Variants in LPCAT1 observed in about 807,000 individuals in gnomAD.
The protein encoded by LPCAT1 is lysophosphatidylcholine acyltransferase 1, also known as 1-acylglycerol-3-phosphate O-acyltransferase.
In LPCAT1, 23 loss-of-function variants were observed where a neutral mutation model predicts 60.9. The ratio of observed to expected loss-of-function variants is 0.38; its 90% CI spans 0.27 to 0.53. The LOEUF (loss-of-function observed/expected upper bound fraction) is 0.53, where lower values mean the gene tolerates loss of function less well. Among genes scored for constraint, LPCAT1 ranks in the 20% least tolerant of loss-of-function variants. The probability of loss-of-function intolerance (pLI) is 0.82; values close to 1 mark genes in which losing one functional copy is unlikely to be tolerated. For missense variants in LPCAT1, 622 were observed against 723.6 expected, an observed-to-expected ratio of 0.86 and a Z score of 1.61; for synonymous variants, 340 against 301.1, an observed-to-expected ratio of 1.13 and a Z score of -1.34.
rs973556774 is a variant in LPCAT1 at position 1,476,491 on chromosome 5, C to A, written c.899+913G>T. ...TCAGAGCCAGGCACACTCTGATGGG[C>A]CCGGCCGTGGCTGTGTTCCCCTCTG... On this transcript the variant is annotated intron_variant, in intron 9 of 13. Transcript: ENST00000283415. This position sits in a 1 kb window ranked among gnomAD's most constrained non-coding sequence, Gnocchi z 8.6. Among the ~76,000 whole-genome samples the A allele has an allele frequency of 6.6e-6, 1 of 152,052 alleles. No individual in the cohort carries two copies. The highest frequency in any genetic ancestry group is 6.6e-5 in the Admixed American group (1 of 15,264).
chr5:1,490,412 T>C (rs1199312178), intron 3 of LPCAT1, among the ~76,000 whole-genome samples: 1 of 151,648 alleles, frequency 6.6e-6, no homozygotes. Context: ...CAGATGAGGG[T>C]CCCTATGGGA....
intron 11 of LPCAT1, 44 bp downstream of exon 11, chr5:1,473,913 A>G (rs1734789792): frequency 2.5e-6 from 4 of 1,586,518 alleles, no homozygotes; most frequent in East Asian, 2.3e-5. Context: ...TTCAAAAAGC[A>G]GGAGGTTTTG....
chr5:1,507,561 G>A (rs1264488980), intron 1 of LPCAT1, among the ~76,000 whole-genome samples: 1 of 152,234 alleles, frequency 6.6e-6, no homozygotes, highest in Non-Finnish European at 1.5e-5. Context: ...GTCACAGGTG[G>A]GAAATGCAGA....
intron 3 of LPCAT1, among the ~76,000 whole-genome samples, chr5:1,492,150 CGGGAGATGTCTCTGAGCTGGAAACCT>C (rs1300957588): frequency 1.6e-5 from 2 of 126,680 alleles, no homozygotes; most frequent in Non-Finnish European, 3.3e-5. Flanking sequence ...GCTGGGACCA[CGGGAGATGTCTCTGAGCTGGAAACCT>C]GGGAGATGTC....
At position 1,481,676 on chromosome 5, in the gene LPCAT1, T is replaced by C. The variant is rs1735147378; in HGVS notation, c.727-700A>G. On this transcript the variant is annotated intron_variant, in intron 6 of 13. Coordinates refer to ENST00000283415, the MANE Select transcript of LPCAT1 (RefSeq NM_024830.5). The surrounding 1 kb of genome is among the most constrained non-coding windows in gnomAD (Gnocchi z 7.8). The stretch of plus-strand genomic sequence containing the variant: ...CTTAAAAGTGGAAAATCTAGATGAC[T>C]GCACAGATCGGAGTCTGTTGTCCTC... 6.6e-6 allele frequency among the ~76,000 whole-genome samples: 1 copy of C among 152,280 alleles called. No individual in the cohort carries two copies. Among genetic ancestry groups the C allele is most frequent in the African/African-American group, 2.4e-5 (1 of 41,484 alleles).
At position 1,495,341 on chromosome 5, in the gene LPCAT1, G is replaced by A. The variant is rs77773512; in HGVS notation, c.279-427C>T. ...CGCATATCGCAATATGGGGGGGGGG[G>A]CGCTCAGAGCTGAGGGCGGAAGCTG... On this transcript the variant is annotated intron_variant, in intron 2 of 13. Coordinates refer to ENST00000283415, the MANE Select transcript of LPCAT1 (RefSeq NM_024830.5). The surrounding 1 kb of genome is among the most constrained non-coding windows in gnomAD (Gnocchi z 4.7). Among the ~76,000 whole-genome samples the A allele has an allele frequency of 6.7e-6, 1 of 149,392 alleles. No homozygotes were observed. The highest frequency in any genetic ancestry group is 2.5e-5 in the African/African-American group (1 of 40,352).
chr5:1,500,596 A>AC (rs1375573567), intron 2 of LPCAT1, among the ~76,000 whole-genome samples: 2 of 151,968 alleles, frequency 1.3e-5, no homozygotes, highest in Non-Finnish European at 2.9e-5. Flanking sequence ...GCGGGGAAGG[A>AC]CCCGAGCCTC....
Position 1,521,584 on chromosome 5 carries a change from C to A in LPCAT1, c.135+2126G>T, listed in dbSNP as rs111367657. On this transcript the variant is annotated intron_variant, in intron 1 of 13. Coordinates refer to ENST00000283415, the MANE Select transcript of LPCAT1 (RefSeq NM_024830.5). The surrounding 1 kb of genome is among the most constrained non-coding windows in gnomAD (Gnocchi z 4.3). ...ACTTTGAGAACGTTTACAAACTAAA[C>A]CCTTGAGCCACACATTGCAGACATC... is the stretch of plus-strand genomic sequence containing the variant. 1 of 589,722 alleles carries A rather than the reference C, an allele frequency of 1.7e-6. No homozygotes were observed. Among genetic ancestry groups the A allele is most frequent in the East Asian group, 1.4e-4 (1 of 7,076 alleles). The allele number at this position is 589,722 out of a possible 1,614,324, so 36.5% of individuals were successfully genotyped here. A position where few individuals can be genotyped will look rare whatever the true frequency, so the allele number is the denominator to read the frequency against.
chr5:1,498,021 A>T (rs1191050945), intron 2 of LPCAT1, among the ~76,000 whole-genome samples: 1 of 152,252 alleles, frequency 6.6e-6, no homozygotes, highest in East Asian at 1.9e-4. Context: ...GCCTTTTGCG[A>T]AACTGTGTCA....
At chr5:1,503,234 C>G (rs904453851) in intron 1 of LPCAT1, among the ~76,000 whole-genome samples, 1 of 152,208 alleles carries the variant, frequency 6.6e-6, no homozygotes, top group Non-Finnish European at 1.5e-5. Flanking sequence ...GCATCACACT[C>G]GCTGCACCAA....
chr5:1,494,934 G>T lies in LPCAT1; in HGVS notation c.279-20C>A. On this transcript the variant is annotated intron_variant, in intron 2 of 13. Coordinates refer to ENST00000283415, the MANE Select transcript of LPCAT1 (RefSeq NM_024830.5). ...ACAACCCTGCAAAAGAGGGCGCTGC[G>T]TCACGCGGGCACACGTCCGCAGTCT... 6.3e-7 allele frequency: 1 copy of T among 1,574,904 alleles called. No homozygotes were observed. The highest frequency in any genetic ancestry group is 8.6e-7 in the Non-Finnish European group (1 of 1,158,384).
chr5:1,471,507 T>A (rs1280299919), intron 11 of LPCAT1, among the ~76,000 whole-genome samples: 1 of 152,188 alleles, frequency 6.6e-6, no homozygotes, highest in Non-Finnish European at 1.5e-5. Context: ...ATGGGGACAG[T>A]CTGCACGTGG....
At position 1,521,278 on chromosome 5, in the gene LPCAT1, C is replaced by G. The variant is rs1427904363; in HGVS notation, c.135+2432G>C. ...TGGAGGAGGAGGTGTCCCCGCATGGCGCTAATCCGAAGACACACAGCAGCC... is the reference window on the plus strand; with the variant it reads ...TGGAGGAGGAGGTGTCCCCGCATGGGGCTAATCCGAAGACACACAGCAGCC... On this transcript the variant is annotated intron_variant, in intron 1 of 13. Coordinates refer to ENST00000283415, the MANE Select transcript of LPCAT1 (RefSeq NM_024830.5). This position sits in a 1 kb window ranked among gnomAD's most constrained non-coding sequence, Gnocchi z 4.3. 5.2e-6 allele frequency: 5 copies of G among 961,706 alleles called. No individual in the cohort carries two copies. Among genetic ancestry groups the G allele is most frequent in the East Asian group, 1.2e-4 (1 of 8,680 alleles). The allele number at this position is 961,706 out of a possible 1,614,324, so 59.6% of individuals were successfully genotyped here. A position where few individuals can be genotyped will look rare whatever the true frequency, so the allele number is the denominator to read the frequency against.
At chr5:1,492,851 G>A (rs2126560842) in intron 3 of LPCAT1, among the ~76,000 whole-genome samples, 1 of 152,356 alleles carries the variant, frequency 6.6e-6, no homozygotes, top group East Asian at 1.9e-4. Flanking sequence ...CTCTGGGTGG[G>A]CCAGCCCCCC....
intron 5 of LPCAT1, among the ~76,000 whole-genome samples, chr5:1,486,453 G>C (rs1008505243): frequency 6.6e-6 from 1 of 152,164 alleles, no homozygotes; most frequent in African/African-American, 2.4e-5. Context: ...GGATGAAGGC[G>C]GGGAGTCAGC....
At position 1,481,034 on chromosome 5, in the gene LPCAT1, A is replaced by G. The variant is rs1735119773; in HGVS notation, c.727-58T>C. On this transcript the variant is annotated intron_variant, in intron 6 of 13. Transcript: ENST00000283415. This position sits in a 1 kb window ranked among gnomAD's most constrained non-coding sequence, Gnocchi z 7.8. The stretch of plus-strand genomic sequence containing the variant: ...GGGCCTGCACCCAGGGCCTGCACCA[A>G]GCACCTGCGTGTGCCGGCCTCTCCC... The G allele has an allele frequency of 7.2e-7, 1 of 1,387,126 alleles. No individual in the cohort carries two copies. 85.9% of individuals were successfully genotyped at this position (1,387,126 alleles called of 1,614,324 possible). A position where few individuals can be genotyped will look rare whatever the true frequency, so the allele number is the denominator to read the frequency against.
At chr5:1,514,628 C>G (rs903599492) in intron 1 of LPCAT1, among the ~76,000 whole-genome samples, 10 of 152,114 alleles carry the variant, frequency 6.6e-5, no homozygotes, top group African/African-American at 2.4e-4. Context: ...CCGCCAGGCA[C>G]GCCGCCAGGC....
chr5:1,509,765 A>G (rs1202759314), intron 1 of LPCAT1, among the ~76,000 whole-genome samples: 2 of 152,206 alleles, frequency 1.3e-5, no homozygotes, highest in Non-Finnish European at 2.9e-5. Context: ...CACGCCCACA[A>G]TGAATTCTCA....
chr5:1,509,667 TG>T (rs1283853652), intron 1 of LPCAT1, among the ~76,000 whole-genome samples: 1 of 152,208 alleles, frequency 6.6e-6, no homozygotes, highest in East Asian at 1.9e-4. Context: ...CCTCCTTTTC[TG>T]TCTCCCCAAT....
Sources: gnomAD v4.1 joint callset for allele counts (sites outside exome capture counted in the v4.1 genomes callset) on GRCh38, gnomAD v4.1.1 for gene constraint, Gnocchi (gnomAD v3.1) non-coding constraint, MANE v1.5 for transcripts, NCBI Gene and HGNC (gene_info 2026-07-23, HGNC 2026-07-21) for gene names.